Variants in ARFGEF1 observed in about 807,000 individuals in gnomAD.
ARFGEF1 encodes the protein brefeldin A-inhibited guanine nucleotide-exchange protein 1.
Under a neutral mutation model 231.0 loss-of-function variants are expected in ARFGEF1, and 42 were observed. The ratio of observed to expected loss-of-function variants is 0.18; its 90% CI spans 0.14 to 0.24. ARFGEF1 has a LOEUF of 0.24. Among genes scored for constraint, ARFGEF1 ranks in the 10% least tolerant of loss-of-function variants. ARFGEF1 has a pLI of 1.00. For missense variants in ARFGEF1, 1,345 were observed against 2,192.0 expected (o/e 0.61, Z 7.72); for synonymous variants, 710 against 732.3 (o/e 0.97, Z 0.49).
intron 1 of ARFGEF1, among the ~76,000 whole-genome samples, chr8:67,327,718 C>T (rs1231517788): frequency 1.3e-5 from 2 of 152,154 alleles, no homozygotes; most frequent in African/African-American, 4.8e-5. Flanking sequence ...GTCAAAATTT[C>T]CTTGTATTTG....
intron 34 of ARFGEF1, among the ~76,000 whole-genome samples, chr8:67,206,020 G>C (rs968424849): frequency 4.6e-5 from 7 of 152,120 alleles, no homozygotes; most frequent in Non-Finnish European, 1.0e-4. Flanking sequence ...ACTGTGGTTT[G>C]GCCACAGCAC....
intron 33 of ARFGEF1, 39 bp from the exon 34 acceptor site, chr8:67,211,654 T>C (rs374787697): frequency 7.9e-7 from 1 of 1,258,276 alleles, no homozygotes; most frequent in African/African-American, 1.5e-5. Context: ...GTATGGTTAA[T>C]AAAGTTTATG....
chr8:67,322,256 T>C (rs971891215), intron 1 of ARFGEF1, among the ~76,000 whole-genome samples: 2 of 152,236 alleles, frequency 1.3e-5, no homozygotes, highest in African/African-American at 4.8e-5. Context: ...CACTTAAGTC[T>C]CTTAAAATGC....
chr8:67,343,128 C>G (rs747897180), intron 1 of ARFGEF1, 36 bp downstream of exon 1: 2 of 1,202,898 alleles, frequency 1.7e-6, no homozygotes, highest in South Asian at 1.5e-5. Context: ...CGCCCCACAA[C>G]AAGCACCCCA....
chr8:67,272,780 C>A (rs1225625613), intron 9 of ARFGEF1, among the ~76,000 whole-genome samples: 1 of 150,920 alleles, frequency 6.6e-6, no homozygotes, highest in Non-Finnish European at 1.5e-5. Context: ...ATTTTTTTTT[C>A]TTTTGAAATA....
intron 7 of ARFGEF1, among the ~76,000 whole-genome samples, chr8:67,284,884 T>A (rs1369426566): frequency 6.6e-6 from 1 of 152,108 alleles, no homozygotes. Flanking sequence ...ATTCCAGGGC[T>A]GAGGAAAAGG....
rs1031915210 is a variant in ARFGEF1 at position 67,343,718 on chromosome 8, G to A, written c.-431C>T. On this transcript the variant is annotated 5_prime_UTR_variant, in exon 1 of 39. Coordinates refer to ENST00000262215, the MANE Select transcript of ARFGEF1 (RefSeq NM_006421.5). ...CTGGCTACTGTGGGGATTAGCACCC[G>A]CCGCGGCCGCGAACTGGCCCCCATC... The A allele has an allele frequency of 1.3e-5, 8 of 601,278 alleles. No individual in the cohort carries two copies. In the African/African-American group the frequency reaches 1.4e-4, roughly 11 times the overall value. 37.2% of individuals were successfully genotyped at this position (601,278 alleles called of 1,614,324 possible).
intron 5 of ARFGEF1, among the ~76,000 whole-genome samples, chr8:67,186,276 T>G (rs529350024): frequency 7.2e-5 from 11 of 152,156 alleles, no homozygotes; most frequent in Non-Finnish European, 1.2e-4. Flanking sequence ...CCTGTTTAGT[T>G]TTTAAAGATG....
At chr8:67,290,817 A>G (rs1481879381) in intron 6 of ARFGEF1, among the ~76,000 whole-genome samples, 1 of 152,200 alleles carries the variant, frequency 6.6e-6, no homozygotes, top group Non-Finnish European at 1.5e-5. Flanking sequence ...CTTCAGTACT[A>G]TGAATGCTTA....
At chr8:67,334,697 A>G (rs545442833) in intron 1 of ARFGEF1, among the ~76,000 whole-genome samples, 1 of 152,324 alleles carries the variant, frequency 6.6e-6, no homozygotes, top group East Asian at 1.9e-4. Flanking sequence ...AAAATATAGG[A>G]TATCTAAACA....
intron 1 of ARFGEF1, among the ~76,000 whole-genome samples, chr8:67,308,722 C>G (rs1037842795): frequency 5.9e-5 from 9 of 151,986 alleles, no homozygotes; most frequent in African/African-American, 1.9e-4. Flanking sequence ...ATTTGCTTAC[C>G]TTTGATTCTG....
intron 7 of ARFGEF1, among the ~76,000 whole-genome samples, chr8:67,285,915 A>G (rs1436278927): frequency 6.6e-6 from 1 of 152,210 alleles, no homozygotes; most frequent in East Asian, 1.9e-4. Flanking sequence ...AAAAATCAAG[A>G]GGACTTGTTC....
At chr8:67,199,819 C>T (rs1838258787) in intron 38 of ARFGEF1, 1 of 166,096 alleles carries the variant, frequency 6.0e-6, no homozygotes. Flanking sequence ...CTGTAAGTTG[C>T]TATTTTTTTT....
chr8:67,197,549 C>G (rs1838102990), downstream of ARFGEF1: 1 of 892,708 alleles, frequency 1.1e-6, no homozygotes, highest in African/African-American at 1.8e-5. Context: ...AAAGAAAATA[C>G]CAGAACCAAA....
chr8:67,266,597 A>G (rs1224387981), intron 13 of ARFGEF1, among the ~76,000 whole-genome samples: 1 of 152,004 alleles, frequency 6.6e-6, no homozygotes, highest in East Asian at 1.9e-4. Flanking sequence ...ACTGCCTTTT[A>G]TATGTTTCCT....
chr8:67,250,061 G>A (rs991728476), intron 19 of ARFGEF1, among the ~76,000 whole-genome samples: 4 of 152,226 alleles, frequency 2.6e-5, no homozygotes, highest in South Asian at 2.1e-4. Flanking sequence ...TGGTGTGAGT[G>A]CAGCATAGTA....
chr8:67,189,554 A>G (rs559814490), intron 5 of ARFGEF1, among the ~76,000 whole-genome samples: 1 of 152,368 alleles, frequency 6.6e-6, no homozygotes, highest in African/African-American at 2.4e-5. Context: ...CCCATACAGT[A>G]TACATTTGGA....
chr8:67,327,319 C>CT (rs140446436), intron 1 of ARFGEF1, among the ~76,000 whole-genome samples: 5,945 of 134,032 alleles, frequency 0.044, 247 homozygotes, highest in African/African-American at 0.093. Context: ...TGACGTACGT[C>CT]TTTTTTTTTT....
At position 67,320,156 on chromosome 8, in the gene ARFGEF1, G is replaced by A. The variant is rs111318362; in HGVS notation, c.125-17690C>T. On this transcript the variant is annotated intron_variant, in intron 1 of 38. Transcript: ENST00000262215. ...GAGAATCGCTTGAACCTGGGGTGGC[G>A]GAGGTTGCAGTGAGCCGAGATCGCA... Among the ~76,000 whole-genome samples, 786 of 149,974 alleles carry A rather than the reference G, an allele frequency of 5.2e-3. 6 individuals are homozygous for A. Among genetic ancestry groups the A allele is most frequent in the African/African-American group, 0.019 (753 of 40,696 alleles).
Sources: allele counts gnomAD v4.1 joint callset (sites outside exome capture counted in the v4.1 genomes callset), GRCh38; gene constraint gnomAD v4.1.1; transcripts MANE v1.5; gene names NCBI Gene and HGNC (gene_info 2026-07-23, HGNC 2026-07-21).